The following ZC2HC1C variants were observed in gnomAD, a reference collection of about 807,000 sequenced individuals.
ZC2HC1C encodes the protein zinc finger C2HC domain-containing protein 1C.
A neutral mutation model predicts 39.2 loss-of-function variants in ZC2HC1C; 25 were observed. The ratio of observed to expected loss-of-function variants is 0.64; its 90% CI spans 0.47 to 0.89. ZC2HC1C has a LOEUF of 0.89. Ranked by LOEUF, ZC2HC1C falls within the 40% of genes least tolerant of loss-of-function variation. ZC2HC1C has a pLI of 0.00. For missense variants in ZC2HC1C, 519 were observed against 548.6 expected, an observed-to-expected ratio of 0.95 and a Z score of 0.54; for synonymous variants, 209 against 214.4, an observed-to-expected ratio of 0.97 and a Z score of 0.22.
intron 2 of ZC2HC1C, chr14:75,073,439 T>A: frequency 2.2e-6 from 1 of 449,542 alleles, no homozygotes; most frequent in Non-Finnish European, 3.9e-6. Flanking sequence ...ATTAGGTTCC[T>A]GAGATCAGAT....
chr14:75,073,689 C>G, intron 2 of ZC2HC1C: 1 of 1,174,046 alleles, frequency 8.5e-7, no homozygotes, highest in South Asian at 1.3e-5. Flanking sequence ...GACGTACACC[C>G]TGTCTCTCTC....
Position 75,070,604 on chromosome 14 carries a change from C to A in ZC2HC1C, c.31C>A (p.Leu11Met), listed in dbSNP as rs1326390760. The A allele has an allele frequency of 1.2e-6, 2 of 1,613,152 alleles. No individual in the cohort carries two copies. Among genetic ancestry groups the A allele is most frequent in the African/African-American group, 2.7e-5 (2 of 74,916 alleles). The change falls in exon 2 of 3, where the codon CTG (leucine) becomes ATG (methionine). Residue 11 changes from leucine (L) to methionine (M), a missense_variant. Transcript: ENST00000524913. The stretch of plus-strand genomic sequence containing the variant: ...TGGTCTCCAGCGGTTGGCGTCACAT[C>A]TGCCTGTGGGCGTTATGCTCCCACA... MAGLQRLASH[L>M]PVGVMLPHNT...
Position 75,070,884 on chromosome 14 carries a change from G to C in ZC2HC1C, c.311G>C (p.Gly104Ala). The C allele has an allele frequency of 6.2e-7, 1 of 1,614,228 alleles. No homozygotes were observed. Among genetic ancestry groups the C allele is most frequent in the Non-Finnish European group, 8.5e-7 (1 of 1,180,044 alleles). The part of the protein sequence containing the change: ...QDPESDSQGQ[G>A]NGLFYSSGPQ... ...CCAGAAAGTGATTCCCAGGGCCAAG[G>C]AAATGGTTTGTTTTACTCGTCAGGC... The change falls in exon 2 of 3, where the codon GGA becomes GCA. Residue 104 changes from glycine to alanine, a missense_variant. Physicochemically the swap from Gly to Ala is moderately conservative, Grantham distance 60. Transcript: ENST00000524913.
chr14:75,076,060 T>TAAC (rs530205810), intron 2 of ZC2HC1C, among the ~76,000 whole-genome samples: 1 of 151,844 alleles, frequency 6.6e-6, no homozygotes, highest in Non-Finnish European at 1.5e-5. Context: ...CCATCTCAAA[T>TAAC]AACAACAACA....
chr14:75,073,645 C>G (rs1594807887), intron 2 of ZC2HC1C: 4 of 1,288,416 alleles, frequency 3.1e-6, no homozygotes, highest in Non-Finnish European at 4.0e-6. Context: ...GGTGATTTTC[C>G]TGGTATCCTT....
intron 2 of ZC2HC1C, among the ~76,000 whole-genome samples, chr14:75,076,761 CTAAG>C (rs67397772): frequency 0.46 from 69,092 of 151,542 alleles, 16,787 homozygotes; most frequent in East Asian, 0.83. Flanking sequence ...TTGCTGCCTC[CTAAG>C]TTTTTGTTTG....
Position 75,070,995 on chromosome 14 carries a change from T to C in ZC2HC1C, c.422T>C (p.Leu141Ser). 6.2e-7 allele frequency: 1 copy of C among 1,614,170 alleles called. No individual in the cohort carries two copies. Residue 141 changes from leucine (L) to serine (S), a missense_variant, in exon 2 of 3, where the codon TTG (leucine) becomes TCG (serine). Physicochemically the swap from Leu to Ser is moderately radical, Grantham distance 145 (BLOSUM62 -2). Transcript: ENST00000524913. ...GTTGGAGTGGACCGGGCGTTCCCAT[T>C]GAAACCCATGGTCCACAGGAAGTCG... ...KRVGVDRAFP[L>S]KPMVHRKSCS...
intron 2 of ZC2HC1C, among the ~76,000 whole-genome samples, chr14:75,076,135 A>C (rs1441599917): frequency 6.6e-6 from 1 of 151,762 alleles, no homozygotes; most frequent in African/African-American, 2.4e-5. Context: ...TCCTTCTGCA[A>C]CTCTTATTGG....
At position 75,077,971 on chromosome 14, in the gene ZC2HC1C, C is replaced by A; in HGVS notation, c.*407C>A. On this transcript the variant is annotated 3_prime_UTR_variant, in exon 3 of 3. Coordinates refer to ENST00000524913, the MANE Select transcript of ZC2HC1C (RefSeq NM_024643.4). ...TAAGCAGCAGGAGGCAGAAGGAAGC[C>A]CCAGCTTCCCACTAAATTACAACCT... The A allele has an allele frequency of 5.0e-6, 1 of 201,740 alleles. No individual in the cohort carries two copies. Among genetic ancestry groups the A allele is most frequent in the Non-Finnish European group, 1.0e-5 (1 of 99,030 alleles). The allele number at this position is 201,740 out of a possible 1,614,324, so 12.5% of individuals were successfully genotyped here.
At position 75,071,509 on chromosome 14, in the gene ZC2HC1C, T is replaced by A. The variant is rs1349368197; in HGVS notation, c.936T>A (p.Asn312Lys). Residue 312 changes from asparagine (N) to lysine (K), a missense_variant, in exon 2 of 3, where the codon AAT becomes AAA. By Grantham distance (94) the Asn-to-Lys change is moderately conservative. Coordinates refer to ENST00000524913, the MANE Select transcript of ZC2HC1C (RefSeq NM_024643.4). ...EDETWGRSQQNSGPFQFSDYR... is the reference protein window; with the variant it reads ...EDETWGRSQQKSGPFQFSDYR... ...AAACTTGGGGACGGTCTCAACAAAA[T>A]TCAGGTCCATTCCAGTTCTCTGATT... 5.0e-6 allele frequency: 8 copies of A among 1,614,126 alleles called. No individual in the cohort carries two copies. The South Asian group carries it at 8.8e-5, about 18-fold the overall frequency.
At chr14:75,074,823 C>T (rs991749969) in intron 2 of ZC2HC1C, among the ~76,000 whole-genome samples, 3 of 152,186 alleles carry the variant, frequency 2.0e-5, no homozygotes, top group East Asian at 1.9e-4. Flanking sequence ...CTGCCCACCT[C>T]GGCCTCCCAG....
rs1460812298 is a variant in ZC2HC1C, at chr14:75,070,990, C to G, written c.417C>G (p.Phe139Leu). The change falls in exon 2 of 3, where the codon TTC (phenylalanine) becomes TTG (leucine). Residue 139 changes from phenylalanine to leucine, a missense_variant. By Grantham distance (22) the Phe-to-Leu change is conservative. Transcript: ENST00000524913. ...AACGAGTTGGAGTGGACCGGGCGTT[C>G]CCATTGAAACCCATGGTCCACAGGA... ...TKKRVGVDRA[F>L]PLKPMVHRKS... is the part of the protein sequence containing the mutation. 6.2e-7 allele frequency: 1 copy of G among 1,614,182 alleles called. No individual in the cohort carries two copies. The highest frequency in any genetic ancestry group is 8.5e-7 in the Non-Finnish European group (1 of 1,180,032).
At chr14:75,073,384 TTG>T (rs1198622069) in intron 2 of ZC2HC1C, among the ~76,000 whole-genome samples, 9 of 152,236 alleles carry the variant, frequency 5.9e-5, no homozygotes, top group African/African-American at 1.7e-4. Context: ...TAAAAGAATC[TTG>T]TGTTTCTTAA....
Position 75,079,392 on chromosome 14 carries a change from G to T in ZC2HC1C, c.*1828G>T, listed in dbSNP as rs1025167249. 19 of 152,082 alleles carry T rather than the reference G, an allele frequency of 1.2e-4. No individual in the cohort carries two copies. Among genetic ancestry groups the T allele is most frequent in the African/African-American group, 3.6e-4 (15 of 41,416 alleles). The allele number at this position is 152,082 out of a possible 1,614,324, so 9.4% of individuals were successfully genotyped here. ...TTTTAATTGTTCCAAAGGAAAGGAG[G>T]TATCACATAATAAAGCTTTATGGTT... On this transcript the variant is annotated 3_prime_UTR_variant, in exon 3 of 3. Coordinates refer to ENST00000524913, the MANE Select transcript of ZC2HC1C (RefSeq NM_024643.4).
In ZC2HC1C at chr14:75,077,826, C is replaced by G; in HGVS notation, c.*262C>G. On this transcript the variant is annotated 3_prime_UTR_variant, in exon 3 of 3. Coordinates refer to ENST00000524913, the MANE Select transcript of ZC2HC1C (RefSeq NM_024643.4). Reference sequence around the variant, plus strand: ...CAACAATGGAAACTTTTGGATAGTTCAGAAAGCTCTGCTTCTCTTCAGCAG... The same window carrying G: ...CAACAATGGAAACTTTTGGATAGTTGAGAAAGCTCTGCTTCTCTTCAGCAG... The G allele has an allele frequency of 2.2e-6, 1 of 461,836 alleles. No individual in the cohort carries two copies. Among genetic ancestry groups the G allele is most frequent in the Admixed American group, 3.7e-5 (1 of 27,268 alleles). 28.6% of individuals were successfully genotyped at this position (461,836 alleles called of 1,614,324 possible).
chr14:75,070,265 T>C (rs1210685868), intron 1 of ZC2HC1C, among the ~76,000 whole-genome samples: 1 of 152,088 alleles, frequency 6.6e-6, no homozygotes, highest in African/African-American at 2.4e-5. Context: ...TTCCACCTAC[T>C]ATAGAGTATA....
intron 2 of ZC2HC1C, among the ~76,000 whole-genome samples, chr14:75,073,353 G>A (rs147945452): frequency 3.3e-5 from 5 of 152,174 alleles, no homozygotes; most frequent in Non-Finnish European, 7.3e-5. Context: ...CCACTGTAGC[G>A]ATTTATTTTT....
At position 75,070,705 on chromosome 14, in the gene ZC2HC1C, C is replaced by G. The variant is rs767535751; in HGVS notation, c.132C>G (p.Ser44=). The change falls in exon 2 of 3, where the codon TCC becomes TCG. Residue 44 remains serine, a synonymous_variant. Coordinates refer to ENST00000524913, the MANE Select transcript of ZC2HC1C (RefSeq NM_024643.4). ...AACAAGGTGACTCTTCCCAGCAGTC[C>G]TTGAAGGGGCACCTGAGGAACAATT... ...SYEQGDSSQQ[S]LKGHLRNNFQ... The G allele has an allele frequency of 4.3e-6, 7 of 1,614,164 alleles. No homozygotes were observed. In the East Asian group the frequency reaches 1.3e-4, roughly 31 times the overall value.
At chr14:75,072,902 A>T (rs76874425) in intron 2 of ZC2HC1C, among the ~76,000 whole-genome samples, 3,120 of 152,306 alleles carry the variant, frequency 0.02, 68 homozygotes, top group African/African-American at 0.05. Context: ...AGTTGTAAGG[A>T]TGAAGTGAAA....
Sources: allele counts gnomAD v4.1 joint callset (sites outside exome capture counted in the v4.1 genomes callset), GRCh38; gene constraint gnomAD v4.1.1; transcripts MANE v1.5; gene names NCBI Gene and HGNC (gene_info 2026-07-23, HGNC 2026-07-21).